ATXN10: variants seen among roughly 807,000 people sequenced by gnomAD.
The protein encoded by ATXN10 is ataxin-10.
Under a neutral mutation model 52.9 loss-of-function variants are expected in ATXN10, and 28 were observed. That is an observed-to-expected ratio of 0.53 (90% CI 0.39 to 0.73). The LOEUF (loss-of-function observed/expected upper bound fraction) is 0.73. Among genes scored for constraint, ATXN10 ranks in the 30% least tolerant of loss-of-function variants. The pLI is 0.00. For missense variants in ATXN10, 565 were observed against 577.0 expected, an observed-to-expected ratio of 0.98 and a Z score of 0.21; for synonymous variants, 226 against 221.5, an observed-to-expected ratio of 1.02 and a Z score of -0.18.
intron 4 of ATXN10, 88 bp downstream of exon 4, chr22:45,700,466 A>G: frequency 1.9e-6 from 2 of 1,047,114 alleles, no homozygotes; most frequent in Non-Finnish European, 2.9e-6. Context: ...AACAGGAAAA[A>G]GTAACCCACT....
chr22:45,764,896 G>A (rs62225972), intron 9 of ATXN10, among the ~76,000 whole-genome samples: 2 of 152,160 alleles, frequency 1.3e-5, no homozygotes, highest in African/African-American at 2.4e-5. Context: ...GTTTTAAATT[G>A]TTGTGAGGTT....
In ATXN10 at chr22:45,783,112, G is replaced by A. The variant is rs1927206601; in HGVS notation, c.1174-23847G>A. ...GGAAGCACTTTATGGCTTCTCTTTG[G>A]CATATTCAAATTGGCAGCATCACTA... On this transcript the variant is annotated intron_variant, in intron 9 of 11. Coordinates refer to ENST00000252934, the MANE Select transcript of ATXN10 (RefSeq NM_013236.4). This position sits in a 1 kb window ranked among gnomAD's most constrained non-coding sequence, Gnocchi z 5.0. Among the ~76,000 whole-genome samples, 1 of 152,060 alleles carries A rather than the reference G, an allele frequency of 6.6e-6. No individual in the cohort carries two copies. The highest frequency in any genetic ancestry group is 1.5e-5 in the Non-Finnish European group (1 of 68,016).
chr22:45,784,304 T>G lies in ATXN10; in HGVS notation c.1174-22655T>G, dbSNP rs1927250590. 6.6e-6 allele frequency among the ~76,000 whole-genome samples: 1 copy of G among 152,204 alleles called. No homozygotes were observed. Among genetic ancestry groups the G allele is most frequent in the African/African-American group, 2.4e-5 (1 of 41,448 alleles). On this transcript the variant is annotated intron_variant, in intron 9 of 11. Coordinates refer to ENST00000252934, the MANE Select transcript of ATXN10 (RefSeq NM_013236.4). This position sits in a 1 kb window ranked among gnomAD's most constrained non-coding sequence, Gnocchi z 4.2. ...TTTATCTGTCATCTTGGAACATTAT[T>G]TTCTACCTTGCAAAACCATTAGGAA... is the stretch of plus-strand genomic sequence containing the variant.
In ATXN10 at chr22:45,843,976, C is replaced by A; in HGVS notation, c.*305C>A. On this transcript the variant is annotated 3_prime_UTR_variant, in exon 12 of 12. Coordinates refer to ENST00000252934, the MANE Select transcript of ATXN10 (RefSeq NM_013236.4). The surrounding 1 kb of genome is among the most constrained non-coding windows in gnomAD (Gnocchi z 4.5). ...AAACCAGTCTCTTGGAGGGCACAAC[C>A]CTTATTTGACAAAACTTGGATGTTG... The A allele has an allele frequency of 2.6e-6, 1 of 385,720 alleles. No individual in the cohort carries two copies. The highest frequency in any genetic ancestry group is 4.7e-6 in the Non-Finnish European group (1 of 213,414). The allele number at this position is 385,720 out of a possible 1,614,324, so 23.9% of individuals were successfully genotyped here. A position where few individuals can be genotyped will look rare whatever the true frequency, so the allele number is the denominator to read the frequency against.
intron 7 of ATXN10, among the ~76,000 whole-genome samples, chr22:45,734,173 T>G (rs1390546259): frequency 6.6e-6 from 1 of 152,118 alleles, no homozygotes; most frequent in Non-Finnish European, 1.5e-5. Context: ...ATTCCTGGAG[T>G]TGAATTGCTG....
At position 45,688,596 on chromosome 22, in the gene ATXN10, C is replaced by T. The variant is rs118092571; in HGVS notation, c.117-1116C>T. Among the ~76,000 whole-genome samples, 1,101 of 152,302 alleles carry T rather than the reference C, an allele frequency of 7.2e-3. 9 individuals carry two copies. Among genetic ancestry groups the T allele is most frequent in the Non-Finnish European group, 0.012 (808 of 68,024 alleles). The stretch of plus-strand genomic sequence containing the variant: ...AGGAAAGACGTGTTTCCTCTGCCCC[C>T]GGAAAAGGGGCTTCCATAGGTGTCT... On this transcript the variant is annotated intron_variant, in intron 1 of 11. Transcript: ENST00000252934. This position sits in a 1 kb window ranked among gnomAD's most constrained non-coding sequence, Gnocchi z 4.0.
Position 45,759,740 on chromosome 22 carries a change from G to C in ATXN10, c.1173+19202G>C, listed in dbSNP as rs1165850843. On this transcript the variant is annotated intron_variant, in intron 9 of 11. Coordinates refer to ENST00000252934, the MANE Select transcript of ATXN10 (RefSeq NM_013236.4). The surrounding 1 kb of genome is among the most constrained non-coding windows in gnomAD (Gnocchi z 5.4). ...AGTTTTGTAGGGGATGGGGTGGGATGGGGTCACACCTCAGCTGCCGGCATG... is the reference window on the plus strand; with the variant it reads ...AGTTTTGTAGGGGATGGGGTGGGATCGGGTCACACCTCAGCTGCCGGCATG... Among the ~76,000 whole-genome samples, 1 of 152,170 alleles carries C rather than the reference G, an allele frequency of 6.6e-6. No homozygotes were observed. The highest frequency in any genetic ancestry group is 1.5e-5 in the Non-Finnish European group (1 of 68,018).
rs1390432502 is a variant in ATXN10 at position 45,780,866 on chromosome 22, A to G, written c.1174-26093A>G. 2.0e-5 allele frequency among the ~76,000 whole-genome samples: 3 copies of G among 152,156 alleles called. No homozygotes were observed. The highest frequency in any genetic ancestry group is 4.4e-5 in the Non-Finnish European group (3 of 68,020). On this transcript the variant is annotated intron_variant, in intron 9 of 11. Transcript: ENST00000252934. The surrounding 1 kb of genome is among the most constrained non-coding windows in gnomAD (Gnocchi z 4.0). Reference sequence around the variant, plus strand: ...AATACATCCAGAACCCTGTCATCATATATGAAACAATCATGGAAACACGTG... The same window carrying G: ...AATACATCCAGAACCCTGTCATCATGTATGAAACAATCATGGAAACACGTG...
intron 9 of ATXN10, among the ~76,000 whole-genome samples, chr22:45,745,877 A>G (rs1171132218): frequency 2.0e-5 from 3 of 152,214 alleles, no homozygotes; most frequent in Non-Finnish European, 4.4e-5. Context: ...AGGAGTGTAA[A>G]TATTACTATA....
At chr22:45,761,558 A>G (rs138200) in intron 9 of ATXN10, among the ~76,000 whole-genome samples, 22 of 152,348 alleles carry the variant, frequency 1.4e-4, no homozygotes, top group African/African-American at 5.1e-4. Flanking sequence ...TTAAATTGTA[A>G]TACAGTATCA....
chr22:45,767,832 C>T (rs1926640979), intron 9 of ATXN10, among the ~76,000 whole-genome samples: 1 of 152,058 alleles, frequency 6.6e-6, no homozygotes, highest in Admixed American at 6.6e-5. Context: ...AACAGAAGAG[C>T]CACAGAGAAA....
intron 9 of ATXN10, among the ~76,000 whole-genome samples, chr22:45,756,163 A>G (rs933346283): frequency 2.6e-5 from 4 of 152,022 alleles, no homozygotes; most frequent in Admixed American, 2.6e-4. Flanking sequence ...TTTTTTTTAA[A>G]GAGACAAGGT....
rs1926912999 is a variant in ATXN10 at position 45,775,326 on chromosome 22, G to T, written c.1174-31633G>T. Among the ~76,000 whole-genome samples, 1 of 152,352 alleles carries T rather than the reference G, an allele frequency of 6.6e-6. No individual in the cohort carries two copies. Among genetic ancestry groups the T allele is most frequent in the African/African-American group, 2.4e-5 (1 of 41,586 alleles). The stretch of plus-strand genomic sequence containing the variant: ...GACCTCAACATAGGGCCTGTTAGCT[G>T]AGGTGCACCCTCTCTTAAGTGGCTT... On this transcript the variant is annotated intron_variant, in intron 9 of 11. Coordinates refer to ENST00000252934, the MANE Select transcript of ATXN10 (RefSeq NM_013236.4). This position sits in a 1 kb window ranked among gnomAD's most constrained non-coding sequence, Gnocchi z 4.7.
At chr22:45,736,962 T>G (rs1450915084) in intron 7 of ATXN10, among the ~76,000 whole-genome samples, 1 of 152,206 alleles carries the variant, frequency 6.6e-6, no homozygotes, top group Non-Finnish European at 1.5e-5. Context: ...CCTAACCAAT[T>G]CTTAGGTTCT....
In ATXN10 at chr22:45,766,137, TA is replaced by T. The variant is rs773622594; in HGVS notation, c.1173+25600del. Among the ~76,000 whole-genome samples, 8 of 152,128 alleles carry T rather than the reference TA, an allele frequency of 5.3e-5. No homozygotes were observed. The highest frequency in any genetic ancestry group is 1.0e-4 in the Non-Finnish European group (7 of 68,012). On this transcript the variant is annotated intron_variant, in intron 9 of 11. Transcript: ENST00000252934. The surrounding 1 kb of genome is among the most constrained non-coding windows in gnomAD (Gnocchi z 4.6). ...AGATCACTGGGAGGAAAAGAAGGAA[TA>T]TTTAATAAAAAGTATGGGGACAAGG...
rs1050818700 is a variant in ATXN10 at position 45,683,815 on chromosome 22, C to G, written c.117-5897C>G. 6.6e-6 allele frequency among the ~76,000 whole-genome samples: 1 copy of G among 152,166 alleles called. No homozygotes were observed. The highest frequency in any genetic ancestry group is 2.4e-5 in the African/African-American group (1 of 41,444). On this transcript the variant is annotated intron_variant, in intron 1 of 11. Transcript: ENST00000252934. The surrounding 1 kb of genome is among the most constrained non-coding windows in gnomAD (Gnocchi z 4.8). ...CGAGCACAGTCCATCTTCCCCAGGTCTTTAATGCTATTGATAGATGCCATT... is the reference window on the plus strand; with the variant it reads ...CGAGCACAGTCCATCTTCCCCAGGTGTTTAATGCTATTGATAGATGCCATT...
At chr22:45,713,242 T>C (rs975545654) in intron 5 of ATXN10, among the ~76,000 whole-genome samples, 1 of 152,212 alleles carries the variant, frequency 6.6e-6, no homozygotes, top group African/African-American at 2.4e-5. Context: ...ATGCAGATGC[T>C]GATTCATCTG....
chr22:45,736,694 C>T lies in ATXN10; in HGVS notation c.895-2037C>T, dbSNP rs184584607. Among the ~76,000 whole-genome samples the T allele has an allele frequency of 7.2e-5, 11 of 152,104 alleles. No homozygotes were observed. In the East Asian group the frequency reaches 1.4e-3, roughly 19 times the overall value. On this transcript the variant is annotated intron_variant, in intron 7 of 11. Coordinates refer to ENST00000252934, the MANE Select transcript of ATXN10 (RefSeq NM_013236.4). ...CATATTCTTCTTTACCTTGCATTTC[C>T]TGTGAATGAAAATTCGTTCCAGAGG...
chr22:45,702,820 A>G lies in ATXN10; in HGVS notation c.620A>G (p.Tyr207Cys). The change falls in exon 5 of 12, where the codon TAC becomes TGC. Residue 207 changes from tyrosine to cysteine, a missense_variant. Tyr to Cys is a radical substitution (Grantham distance 194). Transcript: ENST00000252934. ...LNIAIDVIDA[Y>C]QKHPESEWPF... is the part of the protein sequence containing the mutation. Reference sequence around the variant, plus strand: ...ATTGCAATTGATGTCATAGATGCTTACCAAAAACATCCTGAATCAGAATGG... The same window carrying G: ...ATTGCAATTGATGTCATAGATGCTTGCCAAAAACATCCTGAATCAGAATGG... 2 of 1,613,938 alleles carry G rather than the reference A, an allele frequency of 1.2e-6. No homozygotes were observed. The highest frequency in any genetic ancestry group is 1.7e-6 in the Non-Finnish European group (2 of 1,179,972).
Sources: allele counts gnomAD v4.1 joint callset (sites outside exome capture counted in the v4.1 genomes callset), GRCh38; gene constraint gnomAD v4.1.1; non-coding constraint Gnocchi (gnomAD v3.1); transcripts MANE v1.5; gene names NCBI Gene and HGNC (gene_info 2026-07-23, HGNC 2026-07-21).